LAMP3: variants seen among roughly 807,000 people sequenced by gnomAD.
The protein encoded by LAMP3 is lysosome associated membrane protein 3.
In LAMP3, 26 loss-of-function variants were observed where a neutral mutation model predicts 34.8. That is an observed-to-expected ratio of 0.75 (90% CI 0.55 to 1.04). The LOEUF (loss-of-function observed/expected upper bound fraction) is 1.04. LAMP3 is among the 50% of genes least tolerant of loss of function. The probability of loss-of-function intolerance (pLI) is 0.00; values close to 1 mark genes in which losing one functional copy is unlikely to be tolerated. For missense variants in LAMP3, 495 were observed against 524.0 expected (o/e 0.94, Z 0.54); for synonymous variants, 180 against 201.9 (o/e 0.89, Z 0.92).
rs1489788961 is a variant in LAMP3 at position 183,123,418 on chromosome 3, G to T, written c.*663C>A. ...TAATAAAAATACAAAAATTAGCCAGGCGTGGTAGTGTGTGCCTGTAATCCC... is the reference window on the plus strand; with the variant it reads ...TAATAAAAATACAAAAATTAGCCAGTCGTGGTAGTGTGTGCCTGTAATCCC... On this transcript the variant is annotated 3_prime_UTR_variant, in exon 6 of 6. Coordinates refer to ENST00000265598, the MANE Select transcript of LAMP3 (RefSeq NM_014398.4). 6.6e-6 allele frequency: 1 copy of T among 152,462 alleles called. No homozygotes were observed. The highest frequency in any genetic ancestry group is 2.4e-5 in the African/African-American group (1 of 41,436). The allele number at this position is 152,462 out of a possible 1,614,324, so 9.4% of individuals were successfully genotyped here. A position where few individuals can be genotyped will look rare whatever the true frequency, so the allele number is the denominator to read the frequency against.
chr3:183,141,309 C>T (rs1720277024), intron 3 of LAMP3, among the ~76,000 whole-genome samples: 1 of 152,288 alleles, frequency 6.6e-6, no homozygotes, highest in African/African-American at 2.4e-5. Context: ...AGCACCCCCA[C>T]ATTTCATCTA....
intron 3 of LAMP3, among the ~76,000 whole-genome samples, chr3:183,148,645 T>A (rs1433317001): frequency 1.3e-5 from 2 of 152,176 alleles, no homozygotes; most frequent in African/African-American, 2.4e-5. Context: ...TACAATGAGA[T>A]GTCATCTCAC....
Position 183,154,104 on chromosome 3 carries a change from T to G in LAMP3, c.337A>C (p.Asn113His). Residue 113 changes from asparagine to histidine, a missense_variant, in exon 2 of 6, where the codon AAC (asparagine) becomes CAC (histidine). Transcript: ENST00000265598. ...TLVTTQATPN[N>H]SHTAPPVTEV... ...GTAACTGGAGGAGCTGTGTGTGAGT[T>G]GTTGGGTGTGGCCTGGGTTGTGACC... The G allele has an allele frequency of 1.2e-6, 2 of 1,614,090 alleles. No homozygotes were observed. The highest frequency in any genetic ancestry group is 1.7e-6 in the Non-Finnish European group (2 of 1,180,000).
chr3:183,157,386 T>C (rs1302541990), intron 1 of LAMP3, among the ~76,000 whole-genome samples: 1 of 152,234 alleles, frequency 6.6e-6, no homozygotes, highest in African/African-American at 2.4e-5. Flanking sequence ...GGAGAAAGAT[T>C]TTTCACTTTG....
chr3:183,152,044 C>T (rs1201632137), intron 3 of LAMP3, among the ~76,000 whole-genome samples: 5 of 152,292 alleles, frequency 3.3e-5, no homozygotes, highest in East Asian at 1.9e-4. Context: ...AATCCTGTTC[C>T]TCTGGGGCCC....
chr3:183,126,032 CA>C (rs1252945484), intron 5 of LAMP3, among the ~76,000 whole-genome samples: 2 of 152,058 alleles, frequency 1.3e-5, no homozygotes, highest in Non-Finnish European at 2.9e-5. Context: ...GGAAAAAATA[CA>C]AAAAGTTAAA....
chr3:183,153,923 G>A lies in LAMP3; in HGVS notation c.518C>T (p.Ser173Leu), dbSNP rs115806403. The change falls in exon 2 of 6, where the codon TCG becomes TTG. Residue 173 changes from serine to leucine, a missense_variant. Ser to Leu is a moderately radical substitution (Grantham distance 145). Transcript: ENST00000265598. ...GGTTGTGCTTTTGTGCAGTGCTATC[G>A]ATAAAGTTGCTGGAAGGGTGGTCTG... ...SNQTTLPATL[S>L]IALHKSTTGQ... 4.9e-5 allele frequency: 79 copies of A among 1,614,172 alleles called. No individual in the cohort carries two copies. In the East Asian group the frequency reaches 1.3e-3, roughly 27 times the overall value.
intron 1 of LAMP3, among the ~76,000 whole-genome samples, chr3:183,157,087 A>C (rs549057617): frequency 1.3e-5 from 2 of 152,358 alleles, no homozygotes; most frequent in Admixed American, 6.5e-5. Context: ...CTTTAAGCCC[A>C]GTAGTAAGAC....
At position 183,158,878 on chromosome 3, in the gene LAMP3, G is replaced by GTT. The variant is rs34924890; in HGVS notation, c.49+3727_49+3728dup. Among the ~76,000 whole-genome samples the GTT allele has an allele frequency of 9.7e-4, 144 of 148,650 alleles. 1 individual carries two copies. Among genetic ancestry groups the GTT allele is most frequent in the Middle Eastern group, 3.5e-3 (1 of 286 alleles). On this transcript the variant is annotated intron_variant, in intron 1 of 5. Coordinates refer to ENST00000265598, the MANE Select transcript of LAMP3 (RefSeq NM_014398.4). ...AACCACACTTCTCAGTGTGACAAGTGTTTTTTTTTGTCTTTGTTTTTGTTT... is the reference window on the plus strand; with the variant it reads ...AACCACACTTCTCAGTGTGACAAGTGTTTTTTTTTTTGTCTTTGTTTTTGTTT...
rs910966953 is a variant in LAMP3, at chr3:183,128,430, C to T, written c.1118-4216G>A. Among the ~76,000 whole-genome samples the T allele has an allele frequency of 4.0e-4, 61 of 152,138 alleles. 1 individual carries two copies. On this transcript the variant is annotated intron_variant, in intron 5 of 5. Coordinates refer to ENST00000265598, the MANE Select transcript of LAMP3 (RefSeq NM_014398.4). Reference sequence around the variant, plus strand: ...CTTAAACATACATAGCATCCTCATTCTTCTTGTAGCTGTATAGGATTCCAT... The same window carrying T: ...CTTAAACATACATAGCATCCTCATTTTTCTTGTAGCTGTATAGGATTCCAT...
At chr3:183,125,911 G>A (rs1444070153) in intron 5 of LAMP3, among the ~76,000 whole-genome samples, 1 of 152,114 alleles carries the variant, frequency 6.6e-6, no homozygotes, top group African/African-American at 2.4e-5. Flanking sequence ...CTGGGCTGAA[G>A]CAATCCTTGA....
chr3:183,149,361 G>A (rs1026937110), intron 3 of LAMP3, among the ~76,000 whole-genome samples: 1 of 151,604 alleles, frequency 6.6e-6, no homozygotes, highest in Admixed American at 6.6e-5. Flanking sequence ...CCAACGTGGT[G>A]AGACCCCGTC....
intron 4 of LAMP3, among the ~76,000 whole-genome samples, chr3:183,139,718 A>G (rs2108601383): frequency 6.6e-6 from 1 of 152,306 alleles, no homozygotes; most frequent in Admixed American, 6.5e-5. Context: ...ACCAACCATG[A>G]AAAGTGAAAC....
At chr3:183,127,869 C>G (rs187102454) in intron 5 of LAMP3, among the ~76,000 whole-genome samples, 1 of 152,082 alleles carries the variant, frequency 6.6e-6, no homozygotes, top group African/African-American at 2.4e-5. Context: ...CGGTGGCTCA[C>G]GCCTGTAATC....
Position 183,135,702 on chromosome 3 carries a change from C to T in LAMP3, c.1117+15G>A, listed in dbSNP as rs375154482. On this transcript the variant is annotated intron_variant, in intron 5 of 5. Transcript: ENST00000265598. ...CTAAAGTGTATGTTTGCAACCTGAT[C>T]GACCCTTAACTTACCATTTCCAAAG... is the stretch of plus-strand genomic sequence containing the variant. The T allele has an allele frequency of 3.4e-5, 55 of 1,612,566 alleles. No homozygotes were observed. The highest frequency in any genetic ancestry group is 6.6e-5 in the South Asian group (6 of 90,972).
intron 4 of LAMP3, among the ~76,000 whole-genome samples, chr3:183,137,329 AAAT>A (rs1720129077): frequency 6.6e-6 from 1 of 152,128 alleles, no homozygotes; most frequent in Non-Finnish European, 1.5e-5. Flanking sequence ...AAAAATAAAT[AAAT>A]AATAATAATA....
At position 183,122,563 on chromosome 3, in the gene LAMP3, G is replaced by T. The variant is rs1378029122; in HGVS notation, c.*1518C>A. On this transcript the variant is annotated 3_prime_UTR_variant, in exon 6 of 6. Transcript: ENST00000265598. ...CTATACACTCAAGAAAGAACAGTTGGTTAGCGAAGTTTCTCTATTATCAAA... is the reference window on the plus strand; with the variant it reads ...CTATACACTCAAGAAAGAACAGTTGTTTAGCGAAGTTTCTCTATTATCAAA... 2 of 152,206 alleles carry T rather than the reference G, an allele frequency of 1.3e-5. No individual in the cohort carries two copies. Among genetic ancestry groups the T allele is most frequent in the African/African-American group, 4.8e-5 (2 of 41,456 alleles). The allele number at this position is 152,206 out of a possible 1,614,324, so 9.4% of individuals were successfully genotyped here. A position where few individuals can be genotyped will look rare whatever the true frequency, so the allele number is the denominator to read the frequency against.
chr3:183,154,412 G>C (rs1212027680), intron 1 of LAMP3, 21 bp from the exon 2 acceptor site: 2 of 1,562,796 alleles, frequency 1.3e-6, no homozygotes, highest in African/African-American at 2.7e-5. Context: ...GGAAATAAAA[G>C]TGTTAAAAAC....
intron 5 of LAMP3, among the ~76,000 whole-genome samples, 171 bp downstream of exon 5, chr3:183,135,546 C>T (rs1410512196): frequency 6.6e-6 from 1 of 152,160 alleles, no homozygotes; most frequent in Non-Finnish European, 1.5e-5. Flanking sequence ...GTGCAGGTGC[C>T]TGATTCTGAG....
Sources: allele counts gnomAD v4.1 joint callset (sites outside exome capture counted in the v4.1 genomes callset), GRCh38; gene constraint gnomAD v4.1.1; transcripts MANE v1.5; gene names NCBI Gene and HGNC (gene_info 2026-07-23, HGNC 2026-07-21).